Variants in TECPR2 observed in about 807,000 individuals in gnomAD.
The protein encoded by TECPR2 is tectonin beta-propeller repeat containing 2.
A neutral mutation model predicts 138.1 loss-of-function variants in TECPR2; 65 were observed. The observed-to-expected ratio is 0.47, with a 90% confidence interval of 0.39 to 0.58. The LOEUF is 0.58. Ranked by LOEUF, TECPR2 falls within the 20% of genes least tolerant of loss-of-function variation. The pLI is 0.00. For synonymous variants in TECPR2, 746 were observed against 749.8 expected, an observed-to-expected ratio of 0.99 and a Z score of 0.08; for missense variants, 1,553 against 1,824.5, an observed-to-expected ratio of 0.85 and a Z score of 2.71.
intron 2 of TECPR2, among the ~76,000 whole-genome samples, chr14:102,378,356 C>T (rs1469069514): frequency 1.3e-5 from 2 of 152,128 alleles, no homozygotes; most frequent in Non-Finnish European, 1.5e-5. Context: ...ACAGCCCTTT[C>T]TATGTGTCAG....
rs1212433586 is a variant in TECPR2, at chr14:102,499,021, C to G, written c.*764C>G. On this transcript the variant is annotated 3_prime_UTR_variant, in exon 20 of 20. Transcript: ENST00000359520. ...CACCGCACCGCACCGCACCGTACCT[C>G]GCCACATCTCACCACACCACACCAC... 2.9e-6 allele frequency: 2 copies of G among 697,960 alleles called. No homozygotes were observed. Among genetic ancestry groups the G allele is most frequent in the Non-Finnish European group, 5.2e-6 (2 of 383,894 alleles). 43.2% of individuals were successfully genotyped at this position (697,960 alleles called of 1,614,324 possible).
At chr14:102,430,061 G>T (rs752174452) in intron 7 of TECPR2, among the ~76,000 whole-genome samples, 11 of 152,040 alleles carry the variant, frequency 7.2e-5, no homozygotes, top group Non-Finnish European at 1.3e-4. Context: ...CCACCTCCTG[G>T]GTTCAAACGA....
chr14:102,459,046 AGG>A (rs1890343917), intron 16 of TECPR2, among the ~76,000 whole-genome samples: 1 of 150,910 alleles, frequency 6.6e-6, no homozygotes, highest in Non-Finnish European at 1.5e-5. Context: ...CGGAGTGTGT[AGG>A]GACTTTACAG....
At chr14:102,398,171 G>C (rs1888371936) in intron 2 of TECPR2, among the ~76,000 whole-genome samples, 1 of 150,236 alleles carries the variant, frequency 6.7e-6, no homozygotes, top group African/African-American at 2.4e-5. Context: ...ACCCTAAAAA[G>C]AAACTGAAAA....
At chr14:102,489,958 A>T (rs1891118526) in intron 17 of TECPR2, among the ~76,000 whole-genome samples, 2 of 151,960 alleles carry the variant, frequency 1.3e-5, no homozygotes, top group Admixed American at 6.6e-5. Flanking sequence ...ACTTTAGTGG[A>T]GGCACTTACA....
intron 10 of TECPR2, among the ~76,000 whole-genome samples, chr14:102,439,701 T>C (rs1179986263): frequency 1.3e-5 from 2 of 152,206 alleles, no homozygotes; most frequent in African/African-American, 2.4e-5. Flanking sequence ...CCCATGTCCT[T>C]GGTGGGCAGC....
chr14:102,366,424 G>A (rs1443712939), intron 1 of TECPR2, among the ~76,000 whole-genome samples: 1 of 152,128 alleles, frequency 6.6e-6, no homozygotes, highest in Admixed American at 6.5e-5. Context: ...TTGGTTCACT[G>A]CAGCCTCCAC....
intron 16 of TECPR2, among the ~76,000 whole-genome samples, chr14:102,455,893 G>A (rs144555083): frequency 5.9e-5 from 9 of 152,302 alleles, no homozygotes; most frequent in Non-Finnish European, 8.8e-5. Context: ...GATTACAGGC[G>A]TGAGCCACCA....
At chr14:102,476,238 C>CA (rs1370248557) in intron 17 of TECPR2, among the ~76,000 whole-genome samples, 1 of 113,638 alleles carries the variant, frequency 8.8e-6, no homozygotes, top group South Asian at 2.9e-4. Context: ...AAAACAATAT[C>CA]AAAAAACTCC....
intron 2 of TECPR2, among the ~76,000 whole-genome samples, chr14:102,407,088 G>C (rs1888678720): frequency 6.6e-6 from 1 of 152,218 alleles, no homozygotes; most frequent in Non-Finnish European, 1.5e-5. Flanking sequence ...TCGAACTCCT[G>C]ACCTCAGGTG....
chr14:102,461,577 G>C (rs2139767058), intron 16 of TECPR2, among the ~76,000 whole-genome samples: 1 of 152,324 alleles, frequency 6.6e-6, no homozygotes, highest in South Asian at 2.1e-4. Flanking sequence ...CAGTGTGTTT[G>C]CATCAGCCAG....
chr14:102,488,252 C>T (rs765304364), intron 17 of TECPR2, among the ~76,000 whole-genome samples: 3 of 151,088 alleles, frequency 2.0e-5, no homozygotes, highest in Admixed American at 6.6e-5. Context: ...CTACTGGGCT[C>T]AGGCAATTCT....
intron 2 of TECPR2, among the ~76,000 whole-genome samples, chr14:102,381,900 T>C (rs998199461): frequency 9.2e-5 from 14 of 152,354 alleles, no homozygotes; most frequent in South Asian, 4.1e-4. Context: ...TGTAGTAATA[T>C]CTAAGACGAG....
chr14:102,382,015 C>T (rs1179582649), intron 2 of TECPR2, among the ~76,000 whole-genome samples: 1 of 151,988 alleles, frequency 6.6e-6, no homozygotes, highest in South Asian at 2.1e-4. Flanking sequence ...ACGTATAGGC[C>T]GGGCACGGTG....
chr14:102,378,274 G>A (rs1344001608), intron 2 of TECPR2, among the ~76,000 whole-genome samples: 1 of 152,068 alleles, frequency 6.6e-6, no homozygotes, highest in Admixed American at 6.6e-5. Flanking sequence ...ATATATTAAA[G>A]TTTTCATTTA....
In TECPR2 at chr14:102,434,553, G is replaced by A. The variant is rs753331671; in HGVS notation, c.1736G>A (p.Arg579Gln). The stretch of plus-strand genomic sequence containing the variant: ...CCACACTGTCACCATGCACATGGGC[G>A]GGAGCTGCTCAATGGAGCGAGGGAA... ...EMPHCHHAHG[R>Q]ELLNGAREDV... The change falls in exon 9 of 20, where the codon CGG (arginine) becomes CAG (glutamine). Residue 579 changes from arginine (R) to glutamine (Q), a missense_variant. Transcript: ENST00000359520. 1.5e-5 allele frequency: 23 copies of A among 1,556,380 alleles called. No individual in the cohort carries two copies. Among genetic ancestry groups the A allele is most frequent in the African/African-American group, 4.1e-5 (3 of 73,618 alleles).
At chr14:102,406,382 AC>A (rs1390337000) in intron 2 of TECPR2, among the ~76,000 whole-genome samples, 1 of 151,480 alleles carries the variant, frequency 6.6e-6, no homozygotes, top group Non-Finnish European at 1.5e-5. Context: ...CCCCGTCTCT[AC>A]TAAAAATACA....
In TECPR2 at chr14:102,410,870, C is replaced by T. The variant is rs572949043; in HGVS notation, c.480+2251C>T. 2.3e-4 allele frequency among the ~76,000 whole-genome samples: 35 copies of T among 152,342 alleles called. No individual in the cohort carries two copies. The South Asian group carries it at 6.9e-3, about 30-fold the overall frequency. On this transcript the variant is annotated intron_variant, in intron 4 of 19. Coordinates refer to ENST00000359520, the MANE Select transcript of TECPR2 (RefSeq NM_014844.5). ...CTGGTGCTATCCCCAAACTGCCACT[C>T]TTAACTCTTGAAGTAAATAAATAAT...
In TECPR2 at chr14:102,376,845, G is replaced by A. The variant is rs746867750; in HGVS notation, c.124G>A (p.Asp42Asn). ...TATCGTGGTCTATCTCACGGCCCTC[G>A]ACACCAACGGGGACTACATCGCGGT... ...RSIVVYLTAL[D>N]TNGDYIAVGS... Residue 42 changes from aspartate (D) to asparagine (N), a missense_variant, in exon 2 of 20, where the codon GAC becomes AAC. Coordinates refer to ENST00000359520, the MANE Select transcript of TECPR2 (RefSeq NM_014844.5). 3 of 1,614,060 alleles carry A rather than the reference G, an allele frequency of 1.9e-6. No individual in the cohort carries two copies. The highest frequency in any genetic ancestry group is 2.2e-5 in the East Asian group (1 of 44,872).
Sources: gnomAD v4.1 joint callset for allele counts (sites outside exome capture counted in the v4.1 genomes callset) on GRCh38, gnomAD v4.1.1 for gene constraint, MANE v1.5 for transcripts, NCBI Gene and HGNC (gene_info 2026-07-23, HGNC 2026-07-21) for gene names.